Variants in UNC5C observed in about 807,000 individuals in gnomAD.
The protein encoded by UNC5C is unc-5 netrin receptor C.
Under a neutral mutation model 99.8 loss-of-function variants are expected in UNC5C, and 47 were observed. That is an observed-to-expected ratio of 0.47 (90% CI 0.37 to 0.60). UNC5C has a LOEUF of 0.60. Among genes scored for constraint, UNC5C ranks in the 20% least tolerant of loss-of-function variants. The pLI is 0.00. For synonymous variants in UNC5C, 487 were observed against 452.2 expected, an observed-to-expected ratio of 1.08 and a Z score of -0.98; for missense variants, 1,062 against 1,165.9, an observed-to-expected ratio of 0.91 and a Z score of 1.30.
chr4:95,187,857 CTT>C (rs34679018), intron 12 of UNC5C, among the ~76,000 whole-genome samples: 2,942 of 152,242 alleles, frequency 0.019, 103 homozygotes, highest in African/African-American at 0.067. Context: ...AGGAACCTGA[CTT>C]TTTTCTCCCT....
At chr4:95,322,245 T>G (rs1300064463) in intron 2 of UNC5C, among the ~76,000 whole-genome samples, 3 of 152,260 alleles carry the variant, frequency 2.0e-5, no homozygotes, top group Non-Finnish European at 4.4e-5. Flanking sequence ...ACAATTGGTG[T>G]GATAGGTATA....
intron 7 of UNC5C, among the ~76,000 whole-genome samples, chr4:95,229,797 C>CA (rs1738838186): frequency 1.3e-5 from 1 of 79,534 alleles, no homozygotes; most frequent in Non-Finnish European, 2.3e-5. Flanking sequence ...CTGTTGTTTC[C>CA]TTTTTTTTTT....
At chr4:95,438,781 G>GC (rs1560832784) in intron 1 of UNC5C, among the ~76,000 whole-genome samples, 1 of 152,132 alleles carries the variant, frequency 6.6e-6, no homozygotes, top group Non-Finnish European at 1.5e-5. Context: ...ATAAAATATT[G>GC]TGTGTGCATT....
At chr4:95,527,078 T>C (rs1722517227) in intron 1 of UNC5C, among the ~76,000 whole-genome samples, 1 of 152,064 alleles carries the variant, frequency 6.6e-6, no homozygotes, top group Non-Finnish European at 1.5e-5. Context: ...TGTATTTAAA[T>C]GAGTTAATAT....
intron 10 of UNC5C, 169 bp downstream of exon 10, chr4:95,215,955 A>C: frequency 2.0e-6 from 1 of 511,008 alleles, no homozygotes. Context: ...CTGGAGCCTC[A>C]AAGACAAAGA....
At chr4:95,511,297 C>T (rs1434832866) in intron 1 of UNC5C, among the ~76,000 whole-genome samples, 2 of 35,148 alleles carry the variant, frequency 5.7e-5, no homozygotes, top group Admixed American at 6.4e-4. Context: ...CAAAAGATTG[C>T]TTTTGTTAAT....
chr4:95,323,603 T>C (rs975004518), intron 2 of UNC5C, among the ~76,000 whole-genome samples: 3 of 152,192 alleles, frequency 2.0e-5, no homozygotes, highest in African/African-American at 7.2e-5. Context: ...CATCACTTGA[T>C]AGAATTTATA....
At chr4:95,179,171 C>T (rs147819036) in intron 14 of UNC5C, among the ~76,000 whole-genome samples, 2,466 of 152,290 alleles carry the variant, frequency 0.016, 29 homozygotes, top group Non-Finnish European at 0.025. Flanking sequence ...CAGGACTCCA[C>T]AGTCCTGAAA....
At chr4:95,264,008 C>T (rs1348424231) in intron 4 of UNC5C, among the ~76,000 whole-genome samples, 2 of 152,088 alleles carry the variant, frequency 1.3e-5, no homozygotes, top group Non-Finnish European at 2.9e-5. Context: ...AAATTCTGTC[C>T]TAAAGACACC....
chr4:95,389,898 T>G (rs1579377476), intron 1 of UNC5C, among the ~76,000 whole-genome samples: 1 of 152,188 alleles, frequency 6.6e-6, no homozygotes, highest in African/African-American at 2.4e-5. Flanking sequence ...TTTAGCTGCT[T>G]CTTTTCGCTT....
chr4:95,447,965 G>A (rs1215773943), intron 1 of UNC5C, among the ~76,000 whole-genome samples: 1 of 152,104 alleles, frequency 6.6e-6, no homozygotes, highest in East Asian at 1.9e-4. Flanking sequence ...AATTTTGACA[G>A]ATTAATAGGA....
At chr4:95,391,128 T>C (rs770868815) in intron 1 of UNC5C, among the ~76,000 whole-genome samples, 2 of 152,214 alleles carry the variant, frequency 1.3e-5, no homozygotes, top group Admixed American at 1.3e-4. Flanking sequence ...TGCTCCTTCT[T>C]CACCTTCTGC....
At chr4:95,448,481 G>T (rs910225532) in intron 1 of UNC5C, among the ~76,000 whole-genome samples, 6 of 152,044 alleles carry the variant, frequency 3.9e-5, no homozygotes, top group Non-Finnish European at 8.8e-5. Flanking sequence ...AATTTAAATG[G>T]ATATGAAATC....
intron 1 of UNC5C, among the ~76,000 whole-genome samples, chr4:95,489,072 GGGGAGGCAGGGAGAGA>G (rs1721407042): frequency 6.7e-6 from 1 of 150,076 alleles, no homozygotes; most frequent in Admixed American, 6.7e-5. Flanking sequence ...GAAGGGAAGA[GGGGAGGCAGGGAGAGA>G]GGGAGGCAGG....
intron 6 of UNC5C, among the ~76,000 whole-genome samples, chr4:95,244,273 G>A (rs1248276537): frequency 6.6e-6 from 1 of 152,094 alleles, no homozygotes; most frequent in Non-Finnish European, 1.5e-5. Context: ...ATTTTAAAGG[G>A]TTTTGTTTTT....
intron 1 of UNC5C, among the ~76,000 whole-genome samples, chr4:95,352,774 T>G (rs965248716): frequency 6.6e-5 from 10 of 152,128 alleles, no homozygotes; most frequent in Non-Finnish European, 1.0e-4. Context: ...TATTCTCCTT[T>G]TCATCACCAG....
chr4:95,340,172 G>T (rs1743510767), intron 1 of UNC5C, among the ~76,000 whole-genome samples: 1 of 152,022 alleles, frequency 6.6e-6, no homozygotes, highest in South Asian at 2.1e-4. Context: ...AATCTAGGGA[G>T]CTTTAGGTTG....
chr4:95,392,122 A>C (rs1253398904), intron 1 of UNC5C, among the ~76,000 whole-genome samples: 1 of 152,194 alleles, frequency 6.6e-6, no homozygotes, highest in Non-Finnish European at 1.5e-5. Context: ...AGTATTTTTT[A>C]CAGAAATGTA....
At chr4:95,449,645 G>A (rs904593955) in intron 1 of UNC5C, among the ~76,000 whole-genome samples, 1 of 152,126 alleles carries the variant, frequency 6.6e-6, no homozygotes, top group East Asian at 1.9e-4. Flanking sequence ...GAAAATAGAA[G>A]CTTGTATAAA....
Sources: allele counts gnomAD v4.1 joint callset (sites outside exome capture counted in the v4.1 genomes callset), GRCh38; gene constraint gnomAD v4.1.1; transcripts MANE v1.5; gene names NCBI Gene and HGNC (gene_info 2026-07-23, HGNC 2026-07-21).